FRK: variants seen among roughly 807,000 people sequenced by gnomAD.
The protein encoded by FRK is fyn related Src family tyrosine kinase, also known as tyrosine-protein kinase FRK.
A neutral mutation model predicts 56.4 loss-of-function variants in FRK; 51 were observed. The observed-to-expected ratio is 0.90, with a 90% confidence interval of 0.72 to 1.14. The LOEUF (loss-of-function observed/expected upper bound fraction) is 1.14, where lower values mean the gene tolerates loss of function less well. Among genes scored for constraint, FRK ranks in the 50% most tolerant of loss-of-function variants. The pLI, the probability that FRK is intolerant of heterozygous loss-of-function variation, is 0.00. For missense variants in FRK, 570 were observed against 601.4 expected, an observed-to-expected ratio of 0.95 and a Z score of 0.55; for synonymous variants, 245 against 217.9, an observed-to-expected ratio of 1.12 and a Z score of -1.10.
chr6:116,017,797 T>C (rs1260903471), intron 1 of FRK, among the ~76,000 whole-genome samples: 2 of 152,142 alleles, frequency 1.3e-5, no homozygotes, highest in African/African-American at 4.8e-5. Flanking sequence ...AGGGGGACTT[T>C]CTCTTAACAT....
At chr6:115,947,183 G>T (rs1389378004) in intron 5 of FRK, among the ~76,000 whole-genome samples, 1 of 151,962 alleles carries the variant, frequency 6.6e-6, no homozygotes, top group Non-Finnish European at 1.5e-5. Context: ...TGACTGAATG[G>T]TTGCTTATTT....
chr6:116,100,543 T>A, the FRK span, among the ~76,000 whole-genome samples: 655 of 152,230 alleles, frequency 4.3e-3, 6 homozygotes, highest in African/African-American at 0.015. Context: ...GTGTCCCGGT[T>A]AATTTTGTGG....
the FRK span, among the ~76,000 whole-genome samples, chr6:116,066,433 A>ATG: frequency 1.0e-3 from 154 of 150,690 alleles, no homozygotes; most frequent in Middle Eastern, 6.9e-3. Context: ...ATATATATAT[A>ATG]TGTGTGTGTG....
intron 4 of FRK, among the ~76,000 whole-genome samples, chr6:115,960,560 G>C (rs1220798382): frequency 4.3e-5 from 6 of 140,890 alleles, no homozygotes; most frequent in Non-Finnish European, 7.7e-5. Context: ...AAGGAGGCCT[G>C]CCTGCCTCTG....
At chr6:115,943,593 T>C (rs1287525885) in intron 6 of FRK, among the ~76,000 whole-genome samples, 2 of 151,660 alleles carry the variant, frequency 1.3e-5, no homozygotes, top group African/African-American at 4.8e-5. Flanking sequence ...TTGCTAATAA[T>C]GAAAAGTAGG....
intron 1 of FRK, among the ~76,000 whole-genome samples, chr6:116,042,940 G>C (rs1186033012): frequency 6.6e-6 from 1 of 151,634 alleles, no homozygotes; most frequent in African/African-American, 2.4e-5. Context: ...TGCAATCCTA[G>C]TCTCTGATAA....
chr6:115,993,726 TG>T (rs1317804772), intron 2 of FRK, among the ~76,000 whole-genome samples: 1 of 152,036 alleles, frequency 6.6e-6, no homozygotes, highest in African/African-American at 2.4e-5. Flanking sequence ...AACTATTGCT[TG>T]CATTTAATTA....
chr6:115,934,860 C>T lies in FRK; in HGVS notation c.*7554G>A, dbSNP rs967262843. On this transcript the variant is annotated 3_prime_UTR_variant, in exon 8 of 8. Coordinates refer to ENST00000606080, the MANE Select transcript of FRK (RefSeq NM_002031.3). Reference sequence around the variant, plus strand: ...AATGAGACAGATAATTTGATACATGCATTGTTTAAAAAAACAATAACTTTG... The same window carrying T: ...AATGAGACAGATAATTTGATACATGTATTGTTTAAAAAAACAATAACTTTG... 1 of 151,354 alleles carries T rather than the reference C, an allele frequency of 6.6e-6. No individual in the cohort carries two copies. Among genetic ancestry groups the T allele is most frequent in the Non-Finnish European group, 1.5e-5 (1 of 67,904 alleles). 9.4% of individuals were successfully genotyped at this position (151,354 alleles called of 1,614,324 possible).
chr6:116,044,872 C>T (rs1435971736), intron 1 of FRK, among the ~76,000 whole-genome samples: 1 of 152,204 alleles, frequency 6.6e-6, no homozygotes, highest in Non-Finnish European at 1.5e-5. Context: ...AGCTGATAAG[C>T]AACTTCAGCA....
At chr6:116,049,765 T>C (rs759038459) in intron 1 of FRK, among the ~76,000 whole-genome samples, 2 of 152,322 alleles carry the variant, frequency 1.3e-5, no homozygotes, top group Non-Finnish European at 1.5e-5. Flanking sequence ...GTAAGTGACA[T>C]AATGGTATGC....
chr6:115,970,463 A>AT (rs1773762527), intron 2 of FRK, among the ~76,000 whole-genome samples: 1 of 152,348 alleles, frequency 6.6e-6, no homozygotes, highest in African/African-American at 2.4e-5. Context: ...AACTATCCAA[A>AT]TGTTTATCAA....
chr6:116,018,598 A>C (rs1582719363), intron 1 of FRK, among the ~76,000 whole-genome samples: 1 of 152,338 alleles, frequency 6.6e-6, no homozygotes, highest in East Asian at 1.9e-4. Context: ...GATATACTCT[A>C]ATAATACACA....
chr6:116,043,067 G>C (rs1330781111), intron 1 of FRK, among the ~76,000 whole-genome samples: 2 of 152,154 alleles, frequency 1.3e-5, no homozygotes, highest in Non-Finnish European at 2.9e-5. Context: ...CCCAATATAA[G>C]AGCACCCAGA....
chr6:116,080,440 C>A, the FRK span, among the ~76,000 whole-genome samples: 8 of 152,190 alleles, frequency 5.3e-5, no homozygotes, highest in Non-Finnish European at 1.0e-4. Context: ...AGGCGTGAGC[C>A]ATTGCACTGG....
chr6:116,066,337 C>G, the FRK span, among the ~76,000 whole-genome samples: 38 of 152,154 alleles, frequency 2.5e-4, 1 homozygote, highest in Admixed American at 2.5e-3. Flanking sequence ...GAGACTCGGA[C>G]TGGCTCTCCT....
intron 2 of FRK, among the ~76,000 whole-genome samples, chr6:115,978,545 T>C (rs1025989753): frequency 6.6e-6 from 1 of 152,140 alleles, no homozygotes; most frequent in Non-Finnish European, 1.5e-5. Flanking sequence ...GTTACCTAAT[T>C]CCATGAAGAA....
intron 2 of FRK, among the ~76,000 whole-genome samples, chr6:115,998,313 C>T (rs903096911): frequency 3.3e-5 from 5 of 152,216 alleles, no homozygotes; most frequent in African/African-American, 1.2e-4. Context: ...AGACAGATTA[C>T]ACCAATTACT....
In FRK at chr6:115,968,618, T is replaced by C. The variant is rs1194402051; in HGVS notation, c.588A>G (p.Thr196=). The change falls in exon 3 of 8, where the codon ACA becomes ACG. Residue 196 remains threonine, a synonymous_variant. Coordinates refer to ENST00000606080, the MANE Select transcript of FRK (RefSeq NM_002031.3). ...CCAGCTTGACACACAGGCCGTCACT[T>C]GTCTTGGTGTAGTGGCTCACAAATT... ...LNEFVSHYTK[T]SDGLCVKLGK... 1.9e-6 allele frequency: 3 copies of C among 1,613,820 alleles called. No homozygotes were observed. The highest frequency in any genetic ancestry group is 2.5e-6 in the Non-Finnish European group (3 of 1,179,804).
chr6:116,003,396 T>G (rs1775135496), intron 2 of FRK, among the ~76,000 whole-genome samples: 1 of 152,234 alleles, frequency 6.6e-6, no homozygotes, highest in African/African-American at 2.4e-5. Flanking sequence ...TACTTGATCC[T>G]TAAGTGAAAA....
Sources: allele counts gnomAD v4.1 joint callset (sites outside exome capture counted in the v4.1 genomes callset), GRCh38; gene constraint gnomAD v4.1.1; transcripts MANE v1.5; gene names NCBI Gene and HGNC (gene_info 2026-07-23, HGNC 2026-07-21).